CPVL: variants seen among roughly 807,000 people sequenced by gnomAD.
CPVL encodes carboxypeptidase vitellogenic like, also known as probable serine carboxypeptidase CPVL.
In CPVL, 51 loss-of-function variants were observed where a neutral mutation model predicts 63.7. The observed-to-expected ratio is 0.80, with a 90% confidence interval of 0.64 to 1.01. The LOEUF (loss-of-function observed/expected upper bound fraction) is 1.01. Among genes scored for constraint, CPVL ranks in the 50% least tolerant of loss-of-function variants. The probability of loss-of-function intolerance (pLI) is 0.00; values close to 1 mark genes in which losing one functional copy is unlikely to be tolerated. For missense variants in CPVL, 530 were observed against 573.1 expected, an observed-to-expected ratio of 0.92 and a Z score of 0.77; for synonymous variants, 195 against 206.0, an observed-to-expected ratio of 0.95 and a Z score of 0.46.
intron 9 of CPVL, among the ~76,000 whole-genome samples, chr7:29,069,494 G>C (rs1783510918): frequency 6.6e-6 from 1 of 151,948 alleles, no homozygotes; most frequent in African/African-American, 2.4e-5. Context: ...AATAACATGG[G>C]TGGTCAAGAC....
intron 5 of CPVL, among the ~76,000 whole-genome samples, chr7:29,153,588 G>C (rs1230598248): frequency 1.3e-5 from 2 of 151,912 alleles, no homozygotes; most frequent in African/African-American, 4.8e-5. Context: ...TTTTCTTTTA[G>C]ACAGAGTCTC....
rs539930815 is a variant in CPVL, at chr7:29,031,278, T to C, written c.1138-519A>G. Reference sequence around the variant, plus strand: ...GACAGAGAGATTCAGGTGCCTCAAATTTGTTTCTTATTGGAAGCAACTATG... The same window carrying C: ...GACAGAGAGATTCAGGTGCCTCAAACTTGTTTCTTATTGGAAGCAACTATG... On this transcript the variant is annotated intron_variant, in intron 11 of 12. Transcript: ENST00000265394. 2.0e-5 allele frequency among the ~76,000 whole-genome samples: 3 copies of C among 152,300 alleles called. No individual in the cohort carries two copies. In the East Asian group the frequency reaches 5.8e-4, roughly 29 times the overall value.
In CPVL at chr7:29,096,335, A is replaced by G. The variant is rs1786398530; in HGVS notation, c.289-118T>C. 14 of 760,330 alleles carry G rather than the reference A, an allele frequency of 1.8e-5. No individual in the cohort carries two copies. In the Middle Eastern group the frequency reaches 6.9e-4, roughly 38 times the overall value. The allele number at this position is 760,330 out of a possible 1,614,324, so 47.1% of individuals were successfully genotyped here. ...TACAGGGCTGTGACTAAATCCTACAAAACCTCCCCAGACCTCAGTAACCAC... is the reference window on the plus strand; with the variant it reads ...TACAGGGCTGTGACTAAATCCTACAGAACCTCCCCAGACCTCAGTAACCAC... On this transcript the variant is annotated intron_variant, in intron 3 of 12. Coordinates refer to ENST00000265394, the MANE Select transcript of CPVL (RefSeq NM_031311.5).
intron 5 of CPVL, among the ~76,000 whole-genome samples, chr7:29,154,546 T>C (rs1366000409): frequency 6.6e-6 from 1 of 152,058 alleles, no homozygotes; most frequent in Non-Finnish European, 1.5e-5. Flanking sequence ...AGAAGTATTA[T>C]TATTAGGCTG....
chr7:29,124,928 C>T (rs969179826), intron 1 of CPVL: 10 of 152,080 alleles, frequency 6.6e-5, no homozygotes, highest in African/African-American at 2.4e-4. Context: ...TGGGTATGAC[C>T]TCTTCTGTTT....
At chr7:28,997,687 G>C (rs1057113001) in intron 12 of CPVL, among the ~76,000 whole-genome samples, 1 of 151,208 alleles carries the variant, frequency 6.6e-6, no homozygotes, top group Non-Finnish European at 1.5e-5. Flanking sequence ...AAACACCGGT[G>C]TGGTGTTTTT....
At chr7:29,185,605 T>C (rs1798608305) in intron 2 of CPVL, 2 of 146,672 alleles carry the variant, frequency 1.4e-5, no homozygotes, top group Admixed American at 1.3e-4. Context: ...CACCTGGGAA[T>C]TAAAAAAAAA....
upstream of CPVL, chr7:29,195,331 G>C: frequency 3.3e-6 from 1 of 302,180 alleles, no homozygotes. Flanking sequence ...GGGCGGAGAA[G>C]GTTGGGGTGA....
At chr7:29,001,118 T>C (rs1465796267) in intron 12 of CPVL, 3 of 152,126 alleles carry the variant, frequency 2.0e-5, no homozygotes, top group Admixed American at 1.3e-4. Context: ...GGTAGTAAGA[T>C]GGAACCAATA....
At chr7:29,094,291 A>C (rs2128608258) in intron 5 of CPVL, among the ~76,000 whole-genome samples, 1 of 151,986 alleles carries the variant, frequency 6.6e-6, no homozygotes, top group South Asian at 2.1e-4. Context: ...CAGTGAGCTG[A>C]GATGGTGCAA....
chr7:29,060,106 G>A (rs318113), intron 11 of CPVL, among the ~76,000 whole-genome samples: 2,195 of 152,064 alleles, frequency 0.014, 54 homozygotes, highest in African/African-American at 0.051. Flanking sequence ...TATAACTTTT[G>A]AATGTAGCAA....
intron 5 of CPVL, 93 bp downstream of exon 5, chr7:29,094,991 G>A (rs1036696380): frequency 3.1e-5 from 28 of 900,354 alleles, no homozygotes; most frequent in Non-Finnish European, 3.7e-5. Flanking sequence ...AAGGAAAAAC[G>A]AAATCTATTT....
chr7:29,074,235 T>C (rs1784016010), intron 7 of CPVL, among the ~76,000 whole-genome samples: 1 of 152,174 alleles, frequency 6.6e-6, no homozygotes, highest in South Asian at 2.1e-4. Flanking sequence ...TACAGCTCTC[T>C]TGTGCAATAA....
intron 1 of CPVL, among the ~76,000 whole-genome samples, chr7:29,190,474 C>A (rs957744501): frequency 6.6e-6 from 1 of 152,176 alleles, no homozygotes; most frequent in Non-Finnish European, 1.5e-5. Context: ...GTTCACCCTG[C>A]AGTGCTTTCT....
intron 12 of CPVL, chr7:29,001,481 A>G (rs569057493): frequency 1.8e-4 from 28 of 152,390 alleles, no homozygotes; most frequent in African/African-American, 6.0e-4. Flanking sequence ...AATAACGTAA[A>G]TAGCATTCAA....
chr7:29,162,420 G>A (rs1795306398), intron 5 of CPVL, among the ~76,000 whole-genome samples: 1 of 152,172 alleles, frequency 6.6e-6, no homozygotes, highest in South Asian at 2.1e-4. Context: ...CCAGCACTTT[G>A]GGAGGCCAAA....
At chr7:29,066,186 G>C in intron 9 of CPVL, 65 bp from the exon 10 acceptor site, 1 of 847,768 alleles carries the variant, frequency 1.2e-6, no homozygotes, top group Non-Finnish European at 1.9e-6. Flanking sequence ...AAAATGTACA[G>C]ACATTTGTCA....
intron 1 of CPVL, among the ~76,000 whole-genome samples, chr7:29,138,256 T>C (rs533744510): frequency 4.6e-5 from 7 of 152,204 alleles, no homozygotes; most frequent in South Asian, 2.1e-4. Context: ...CTGGCCAACA[T>C]GACAAAACCC....
Position 29,064,068 on chromosome 7 carries a change from T to A in CPVL, c.1130A>T (p.Asn377Ile). The A allele has an allele frequency of 1.2e-6, 2 of 1,609,366 alleles. No homozygotes were observed. Among genetic ancestry groups the A allele is most frequent in the South Asian group, 2.2e-5 (2 of 90,892 alleles). ...CTGAAGTAGCTCTCTTACCTTATAA[T>A]TATTCATGATTTCAGTTAACCATGG... ...VKPWLTEIMN[N>I]YKVLIYNGQL... Residue 377 changes from asparagine (N) to isoleucine (I), a missense_variant, in exon 11 of 13, where the codon AAT becomes ATT. By Grantham distance (149) the Asn-to-Ile change is moderately radical. Coordinates refer to ENST00000265394, the MANE Select transcript of CPVL (RefSeq NM_031311.5).
Sources: allele counts gnomAD v4.1 joint callset (sites outside exome capture counted in the v4.1 genomes callset), GRCh38; gene constraint gnomAD v4.1.1; transcripts MANE v1.5; gene names NCBI Gene and HGNC (gene_info 2026-07-23, HGNC 2026-07-21).